NKAIN2: variants seen among roughly 807,000 people sequenced by gnomAD.
The protein encoded by NKAIN2 is sodium/potassium-transporting ATPase subunit beta-1-interacting protein 2.
In NKAIN2, 14 loss-of-function variants were observed where a neutral mutation model predicts 32.6. The observed-to-expected ratio is 0.43, with a 90% confidence interval of 0.28 to 0.67. The LOEUF is 0.67. NKAIN2 is among the 30% of genes least tolerant of loss of function. The probability of loss-of-function intolerance (pLI) is 0.17; values close to 1 mark genes in which losing one functional copy is unlikely to be tolerated. For missense variants in NKAIN2, 198 were observed against 258.3 expected (o/e 0.77, Z 1.60); for synonymous variants, 80 against 87.2 (o/e 0.92, Z 0.46).
intron 1 of NKAIN2, among the ~76,000 whole-genome samples, chr6:123,887,833 C>A (rs1032001854): frequency 1.3e-5 from 2 of 152,068 alleles, no homozygotes; most frequent in African/African-American, 2.4e-5. Context: ...CAGATGACTC[C>A]TTTCAATAGA....
At chr6:124,730,115 G>A (rs150287087) in intron 4 of NKAIN2, among the ~76,000 whole-genome samples, 3 of 91,754 alleles carry the variant, frequency 3.3e-5, no homozygotes, top group East Asian at 4.3e-4. Context: ...AATCAATATC[G>A]TGAAAATGGC....
At chr6:123,809,899 C>T (rs1317915494) in intron 1 of NKAIN2, among the ~76,000 whole-genome samples, 1 of 152,002 alleles carries the variant, frequency 6.6e-6, no homozygotes. Flanking sequence ...AACTTGATCC[C>T]TGTAAAAACT....
At chr6:124,267,179 T>C (rs1316242141) in intron 1 of NKAIN2, among the ~76,000 whole-genome samples, 3 of 152,272 alleles carry the variant, frequency 2.0e-5, no homozygotes, top group Admixed American at 6.5e-5. Context: ...CCTGCTGAGA[T>C]TGTCAAGCAA....
At chr6:124,144,041 T>C (rs1018269666) in intron 1 of NKAIN2, among the ~76,000 whole-genome samples, 6 of 152,226 alleles carry the variant, frequency 3.9e-5, no homozygotes, top group Non-Finnish European at 7.3e-5. Flanking sequence ...ATTATTAAAA[T>C]AAATTGAAGA....
At chr6:124,515,403 C>T (rs1778865630) in intron 3 of NKAIN2, among the ~76,000 whole-genome samples, 1 of 151,996 alleles carries the variant, frequency 6.6e-6, no homozygotes, top group South Asian at 2.1e-4. Context: ...TAGCACCTCC[C>T]ACCTCTCTCC....
intron 2 of NKAIN2, among the ~76,000 whole-genome samples, chr6:124,303,335 A>G (rs1307028852): frequency 6.6e-6 from 1 of 152,188 alleles, no homozygotes; most frequent in African/African-American, 2.4e-5. Context: ...GTGATGGGTG[A>G]TTTATTGGGG....
chr6:124,645,373 C>G (rs1481872927), intron 3 of NKAIN2, among the ~76,000 whole-genome samples: 1 of 152,144 alleles, frequency 6.6e-6, no homozygotes, highest in Non-Finnish European at 1.5e-5. Context: ...GGCTTCTCCC[C>G]CAAACAGGCA....
intron 1 of NKAIN2, among the ~76,000 whole-genome samples, chr6:124,197,631 CT>C (rs1790378349): frequency 6.6e-6 from 1 of 152,046 alleles, no homozygotes; most frequent in South Asian, 2.1e-4. Flanking sequence ...AAAATTCACC[CT>C]TTTACATGAA....
intron 1 of NKAIN2, among the ~76,000 whole-genome samples, chr6:124,179,016 C>T (rs944731958): frequency 6.6e-6 from 1 of 152,180 alleles, no homozygotes; most frequent in Non-Finnish European, 1.5e-5. Flanking sequence ...ATTGACCCAA[C>T]ACAGGTGCTG....
At chr6:124,232,764 G>T (rs1003428338) in intron 1 of NKAIN2, among the ~76,000 whole-genome samples, 1 of 151,616 alleles carries the variant, frequency 6.6e-6, no homozygotes, top group Non-Finnish European at 1.5e-5. Flanking sequence ...AAAAAAAAAT[G>T]ATCTTGGTTT....
At chr6:124,587,343 C>G (rs1037953686) in intron 3 of NKAIN2, among the ~76,000 whole-genome samples, 50 of 152,142 alleles carry the variant, frequency 3.3e-4, no homozygotes, top group African/African-American at 1.2e-3. Flanking sequence ...GATTCTCCTC[C>G]TGAGTAGCTG....
At chr6:124,272,869 A>C (rs1283920009) in intron 1 of NKAIN2, among the ~76,000 whole-genome samples, 1 of 152,194 alleles carries the variant, frequency 6.6e-6, no homozygotes, top group African/African-American at 2.4e-5. Context: ...TTTACAATTA[A>C]ATTACAGCCC....
At chr6:124,247,257 T>C (rs1467385805) in intron 1 of NKAIN2, among the ~76,000 whole-genome samples, 2 of 152,144 alleles carry the variant, frequency 1.3e-5, no homozygotes, top group East Asian at 1.9e-4. Context: ...GTGATGTTTC[T>C]TTTGAAACAG....
At chr6:124,141,204 A>G (rs1270458799) in intron 1 of NKAIN2, among the ~76,000 whole-genome samples, 1 of 152,178 alleles carries the variant, frequency 6.6e-6, no homozygotes, top group Non-Finnish European at 1.5e-5. Flanking sequence ...ATCAAGATTT[A>G]TGACTTTAGT....
intron 5 of NKAIN2, among the ~76,000 whole-genome samples, chr6:124,808,448 A>T (rs1277832548): frequency 6.6e-6 from 1 of 152,216 alleles, no homozygotes; most frequent in Non-Finnish European, 1.5e-5. Context: ...TCATGCTAAA[A>T]ACTCTCAATA....
intron 4 of NKAIN2, among the ~76,000 whole-genome samples, chr6:124,714,710 G>A (rs1775667230): frequency 6.6e-6 from 1 of 152,182 alleles, no homozygotes; most frequent in African/African-American, 2.4e-5. Flanking sequence ...AGTTCCCTGA[G>A]GCAGGCTTTG....
At chr6:124,413,003 G>A (rs532655178) in intron 3 of NKAIN2, among the ~76,000 whole-genome samples, 11 of 152,148 alleles carry the variant, frequency 7.2e-5, no homozygotes, top group Non-Finnish European at 1.2e-4. Flanking sequence ...CTGGTGTGCC[G>A]TTTGTTAAGC....
intron 4 of NKAIN2, among the ~76,000 whole-genome samples, chr6:124,779,496 C>T (rs974741395): frequency 6.6e-6 from 1 of 152,072 alleles, no homozygotes; most frequent in Admixed American, 6.6e-5. Context: ...TCCTTGAGAG[C>T]CTAATGTCCT....
chr6:123,854,450 G>C (rs1056281362), intron 1 of NKAIN2, among the ~76,000 whole-genome samples: 1 of 152,244 alleles, frequency 6.6e-6, no homozygotes, highest in African/African-American at 2.4e-5. Flanking sequence ...ATGTTTGACT[G>C]TTTGCTGGAA....
Sources: allele counts gnomAD v4.1 joint callset (sites outside exome capture counted in the v4.1 genomes callset), GRCh38; gene constraint gnomAD v4.1.1; transcripts MANE v1.5; gene names NCBI Gene and HGNC (gene_info 2026-07-23, HGNC 2026-07-21).